Variants in IL1RL1 observed in about 807,000 individuals in gnomAD.
IL1RL1 encodes the protein interleukin 1 receptor like 1.
In IL1RL1, 32 loss-of-function variants were observed where a neutral mutation model predicts 50.9. The ratio of observed to expected loss-of-function variants is 0.63; its 90% CI spans 0.47 to 0.84. IL1RL1 has a LOEUF of 0.84. Ranked by LOEUF, IL1RL1 falls within the 40% of genes least tolerant of loss-of-function variation. IL1RL1 has a pLI of 0.00. For missense variants in IL1RL1, 773 were observed against 662.9 expected, an observed-to-expected ratio of 1.17 and a Z score of -1.82; for synonymous variants, 275 against 236.0, an observed-to-expected ratio of 1.17 and a Z score of -1.51.
rs141407066 is a variant in IL1RL1 at position 102,343,256 on chromosome 2, G to T, written c.825-14G>T. ...TGCAAAGTAGGCATTAAAAGTAACA[G>T]GTTGCTTTCTTAGTTTCAGCAATGG... On this transcript the variant is annotated splice_polypyrimidine_tract_variant and intron_variant, in intron 7 of 10. Coordinates refer to ENST00000233954, the MANE Select transcript of IL1RL1 (RefSeq NM_016232.5). 1 of 1,614,086 alleles carries T rather than the reference G, an allele frequency of 6.2e-7. No homozygotes were observed. Among genetic ancestry groups the T allele is most frequent in the South Asian group, 1.1e-5 (1 of 91,084 alleles).
Position 102,343,241 on chromosome 2 carries a change from G to T in IL1RL1, c.825-29G>T, listed in dbSNP as rs534062161. Reference sequence around the variant, plus strand: ...CACATGGTTTGCACCTGCAAAGTAGGCATTAAAAGTAACAGGTTGCTTTCT... The same window carrying T: ...CACATGGTTTGCACCTGCAAAGTAGTCATTAAAAGTAACAGGTTGCTTTCT... On this transcript the variant is annotated intron_variant, in intron 7 of 10. Transcript: ENST00000233954. 2.5e-5 allele frequency: 40 copies of T among 1,614,048 alleles called. No homozygotes were observed. The South Asian group carries it at 3.8e-4, about 16-fold the overall frequency.
intron 1 of IL1RL1, among the ~76,000 whole-genome samples, chr2:102,322,878 T>C (rs1023729329): frequency 1.3e-5 from 2 of 152,172 alleles, no homozygotes; most frequent in Admixed American, 6.5e-5. Context: ...GGGCTTCCTA[T>C]AGGTATGATA....
intron 1 of IL1RL1, among the ~76,000 whole-genome samples, chr2:102,326,384 G>A (rs1044291322): frequency 6.6e-6 from 1 of 152,110 alleles, no homozygotes; most frequent in Non-Finnish European, 1.5e-5. Flanking sequence ...ACCGGTACCA[G>A]CCACTGCAAA....
chr2:102,327,065 C>A (rs890164437), intron 1 of IL1RL1, among the ~76,000 whole-genome samples: 13 of 152,100 alleles, frequency 8.5e-5, no homozygotes, highest in African/African-American at 2.7e-4. Flanking sequence ...TTTTCAGCAC[C>A]ACACCACACC....
intron 1 of IL1RL1, among the ~76,000 whole-genome samples, chr2:102,319,875 GAT>G: frequency 6.6e-6 from 1 of 152,118 alleles, no homozygotes; most frequent in Admixed American, 6.5e-5. Context: ...TTTTTGTAGA[GAT>G]GGGGACTTAC....
chr2:102,349,743 C>A (rs958085563), intron 10 of IL1RL1, among the ~76,000 whole-genome samples: 3 of 152,170 alleles, frequency 2.0e-5, no homozygotes, highest in African/African-American at 7.2e-5. Context: ...AGCTTCTGTT[C>A]CTTAATATTC....
At chr2:102,320,704 C>T (rs1226180955) in intron 1 of IL1RL1, among the ~76,000 whole-genome samples, 1 of 152,118 alleles carries the variant, frequency 6.6e-6, no homozygotes, top group Admixed American at 6.5e-5. Context: ...TGACTGCTCT[C>T]ATATCCTGTC....
At chr2:102,343,759 C>T (rs547523061) in intron 8 of IL1RL1, 11 of 1,175,878 alleles carry the variant, frequency 9.4e-6, no homozygotes, top group South Asian at 5.1e-5. Context: ...GTAAACTGAA[C>T]GTGTTCTTTT....
chr2:102,334,770 C>A (rs763573281), intron 1 of IL1RL1, among the ~76,000 whole-genome samples: 3 of 152,142 alleles, frequency 2.0e-5, no homozygotes, highest in Non-Finnish European at 4.4e-5. Context: ...TTTTACATTT[C>A]AGTGTGATAT....
intron 1 of IL1RL1, among the ~76,000 whole-genome samples, chr2:102,320,500 G>A (rs1419994102): frequency 2.6e-5 from 4 of 152,118 alleles, no homozygotes; most frequent in African/African-American, 4.8e-5. Flanking sequence ...AGCCCAATAT[G>A]TCTCCTGAAT....
At chr2:102,350,896 G>A (rs1677911894) in intron 10 of IL1RL1, among the ~76,000 whole-genome samples, 2 of 152,196 alleles carry the variant, frequency 1.3e-5, no homozygotes, top group Non-Finnish European at 1.5e-5. Flanking sequence ...TTGCAGTGAG[G>A]ACTGGGTATT....
chr2:102,341,614 A>T (rs1482502406), intron 5 of IL1RL1, among the ~76,000 whole-genome samples: 3 of 152,158 alleles, frequency 2.0e-5, no homozygotes, highest in Non-Finnish European at 4.4e-5. Context: ...ACCAGACCAC[A>T]TTCCTATCAG....
At chr2:102,342,958 T>G in intron 6 of IL1RL1, 78 bp from the exon 7 acceptor site, 2 of 1,451,844 alleles carry the variant, frequency 1.4e-6, no homozygotes, top group South Asian at 2.5e-5. Context: ...TCAGTAAGGT[T>G]TTTTTTTTAC....
intron 8 of IL1RL1, chr2:102,345,151 G>C: frequency 1.1e-6 from 1 of 906,276 alleles, no homozygotes; most frequent in Non-Finnish European, 1.3e-6. Flanking sequence ...AAGTCATTGT[G>C]CTTTTTATCA....
rs553618200 is a variant in IL1RL1, at chr2:102,340,769, T to A, written c.551T>A (p.Ile184Lys). The A allele has an allele frequency of 6.3e-7, 1 of 1,591,954 alleles. No homozygotes were observed. The highest frequency in any genetic ancestry group is 8.5e-7 in the Non-Finnish European group (1 of 1,173,624). The change falls in exon 5 of 11, where the codon ATA becomes AAA. Residue 184 changes from isoleucine (I) to lysine (K), a missense_variant. Physicochemically the swap from Ile to Lys is moderately radical, Grantham distance 102. Coordinates refer to ENST00000233954, the MANE Select transcript of IL1RL1 (RefSeq NM_016232.5). ...EDAGDYTCKF[I>K]HNENGANYSV... ...GCAGGTGATTACACCTGTAAATTTA[T>A]ACACAATGAAAATGGAGCCAATTAT...
chr2:102,320,523 T>G (rs1676805460), intron 1 of IL1RL1, among the ~76,000 whole-genome samples: 1 of 152,152 alleles, frequency 6.6e-6, no homozygotes, highest in African/African-American at 2.4e-5. Flanking sequence ...CAGAAGCAGA[T>G]ATTCATCCTA....
Position 102,338,344 on chromosome 2 carries a change from G to T in IL1RL1, c.61+19G>T. 1 of 1,406,590 alleles carries T rather than the reference G, an allele frequency of 7.1e-7. No individual in the cohort carries two copies. Among genetic ancestry groups the T allele is most frequent in the Non-Finnish European group, 9.9e-7 (1 of 1,014,860 alleles). 87.1% of individuals were successfully genotyped at this position (1,406,590 alleles called of 1,614,324 possible). A position where few individuals can be genotyped will look rare whatever the true frequency, so the allele number is the denominator to read the frequency against. On this transcript the variant is annotated intron_variant, in intron 2 of 10. Transcript: ENST00000233954. ...AAGTTTAGTAAGTATTGCCTTCTAAGTATAATTTAAATTTTTATAAATTAA... is the reference window on the plus strand; with the variant it reads ...AAGTTTAGTAAGTATTGCCTTCTAATTATAATTTAAATTTTTATAAATTAA...
intron 9 of IL1RL1, among the ~76,000 whole-genome samples, chr2:102,348,681 A>G (rs1286204433): frequency 6.6e-6 from 1 of 152,188 alleles, no homozygotes; most frequent in Non-Finnish European, 1.5e-5. Context: ...AGATCCCTTA[A>G]AAAATTCTAT....
At chr2:102,330,775 C>A (rs1677157144) in intron 1 of IL1RL1, among the ~76,000 whole-genome samples, 1 of 152,098 alleles carries the variant, frequency 6.6e-6, no homozygotes. Flanking sequence ...CTAATGATGT[C>A]TTTGAAGAAG....
Sources: allele counts gnomAD v4.1 joint callset (sites outside exome capture counted in the v4.1 genomes callset), GRCh38; gene constraint gnomAD v4.1.1; transcripts MANE v1.5; gene names NCBI Gene and HGNC (gene_info 2026-07-23, HGNC 2026-07-21).